The following MEIKIN variants were observed in gnomAD, a reference collection of about 807,000 sequenced individuals.
The protein encoded by MEIKIN is meiotic kinetochore factor, also known as meiosis-specific kinetochore protein.
At chr5:131,849,871 C>T (rs1356334737) in intron 11 of MEIKIN, among the ~76,000 whole-genome samples, 1 of 151,656 alleles carries the variant, frequency 6.6e-6, no homozygotes, top group Admixed American at 6.6e-5. Flanking sequence ...AATTGTAAAG[C>T]AAGAAGTAAA....
At chr5:131,852,107 T>C (rs1025958394) in intron 10 of MEIKIN, among the ~76,000 whole-genome samples, 1 of 152,214 alleles carries the variant, frequency 6.6e-6, no homozygotes, top group African/African-American at 2.4e-5. Context: ...TATAATTCAG[T>C]TGATTTGGTT....
At chr5:131,936,578 TA>T in intron 4 of MEIKIN, among the ~76,000 whole-genome samples, 1 of 152,306 alleles carries the variant, frequency 6.6e-6, no homozygotes, top group East Asian at 1.9e-4. Flanking sequence ...TAATACTAAG[TA>T]CTATTTTGTT....
intron 9 of MEIKIN, among the ~76,000 whole-genome samples, chr5:131,874,343 T>C (rs1750568214): frequency 6.6e-6 from 1 of 152,166 alleles, no homozygotes; most frequent in Admixed American, 6.5e-5. Context: ...AAATACAAAC[T>C]ACCATCAGAG....
At chr5:131,878,212 T>C (rs564509843) in intron 9 of MEIKIN, among the ~76,000 whole-genome samples, 3 of 152,360 alleles carry the variant, frequency 2.0e-5, no homozygotes, top group African/African-American at 7.2e-5. Flanking sequence ...GAATAATCTA[T>C]TTGATAAACT....
In MEIKIN at chr5:131,909,035, A is replaced by C. The variant is rs73259960; in HGVS notation, c.703+2780T>G. 1.9e-3 allele frequency among the ~76,000 whole-genome samples: 288 copies of C among 152,304 alleles called. 1 individual carries two copies. The highest frequency in any genetic ancestry group is 5.8e-3 in the African/African-American group (243 of 41,582). ...CTGTAGGTTTAATGCAATCCCTATC[A>C]AAATATCAATGAAATTCTTCATACA... On this transcript the variant is annotated intron_variant, in intron 8 of 12. Transcript: ENST00000442687.
intron 9 of MEIKIN, among the ~76,000 whole-genome samples, chr5:131,871,833 G>A (rs545631911): frequency 9.2e-5 from 14 of 152,212 alleles, no homozygotes; most frequent in African/African-American, 3.4e-4. Flanking sequence ...CAGCATTTGC[G>A]GTTCACCAAT....
intron 9 of MEIKIN, among the ~76,000 whole-genome samples, chr5:131,873,463 T>C (rs1340306418): frequency 1.3e-5 from 2 of 152,188 alleles, no homozygotes; most frequent in Non-Finnish European, 2.9e-5. Context: ...CCTAAATATA[T>C]ATGCACCCAA....
Position 131,897,722 on chromosome 5 carries a change from T to C in MEIKIN, c.703+14093A>G, listed in dbSNP as rs147599690. Among the ~76,000 whole-genome samples the C allele has an allele frequency of 3.7e-3, 570 of 152,342 alleles. 4 individuals carry two copies. The highest frequency in any genetic ancestry group is 0.013 in the African/African-American group (538 of 41,578). ...CATGCATCATGAAGTTTTCATGCCA[T>C]GGTTTTCAGCTCCATCAGGTCATTT... is the stretch of plus-strand genomic sequence containing the variant. On this transcript the variant is annotated intron_variant, in intron 8 of 12. Transcript: ENST00000442687.
chr5:131,856,401 C>T (rs1375705508), intron 9 of MEIKIN, among the ~76,000 whole-genome samples: 1 of 152,092 alleles, frequency 6.6e-6, no homozygotes, highest in Non-Finnish European at 1.5e-5. Context: ...GCTGACAGCC[C>T]CCAAGCACAA....
chr5:131,813,479 T>C (rs1773040390), intron 12 of MEIKIN, among the ~76,000 whole-genome samples: 1 of 149,628 alleles, frequency 6.7e-6, no homozygotes, highest in Non-Finnish European at 1.5e-5. Flanking sequence ...CAGGCTGGAG[T>C]GCAGTGGCAT....
At chr5:131,852,875 A>G (rs974578889) in intron 10 of MEIKIN, among the ~76,000 whole-genome samples, 1 of 7,614 alleles carries the variant, frequency 1.3e-4, no homozygotes, top group Non-Finnish European at 4.0e-4. Flanking sequence ...TTTTGCCACG[A>G]AAAAAATCAT....
At chr5:131,938,780 TG>T (rs1751825244) in intron 4 of MEIKIN, among the ~76,000 whole-genome samples, 1 of 152,240 alleles carries the variant, frequency 6.6e-6, no homozygotes, top group African/African-American at 2.4e-5. Context: ...GTATTGTCAT[TG>T]TCCTTCAAGT....
intron 4 of MEIKIN, among the ~76,000 whole-genome samples, chr5:131,939,576 T>C (rs1751835789): frequency 6.6e-6 from 1 of 152,142 alleles, no homozygotes; most frequent in Non-Finnish European, 1.5e-5. Context: ...ACATTAAATA[T>C]AAAATCCTTA....
At chr5:131,857,582 T>A (rs1018948770) in intron 9 of MEIKIN, among the ~76,000 whole-genome samples, 1 of 152,138 alleles carries the variant, frequency 6.6e-6, no homozygotes, top group African/African-American at 2.4e-5. Flanking sequence ...ACCAGGGTGC[T>A]TCCCAGGGGC....
chr5:131,854,536 AG>A (rs1485666453), intron 10 of MEIKIN, among the ~76,000 whole-genome samples: 3 of 152,204 alleles, frequency 2.0e-5, no homozygotes, highest in African/African-American at 7.2e-5. Context: ...AGGAAAAAAC[AG>A]AAGAATCCTG....
intron 11 of MEIKIN, among the ~76,000 whole-genome samples, chr5:131,826,629 G>A (rs1250098593): frequency 1.3e-5 from 2 of 152,098 alleles, no homozygotes; most frequent in Admixed American, 1.3e-4. Context: ...GTTGGAAGAG[G>A]GACCTAGTGA....
At chr5:131,851,750 C>T (rs185446818) in intron 10 of MEIKIN, among the ~76,000 whole-genome samples, 1 of 152,304 alleles carries the variant, frequency 6.6e-6, no homozygotes, top group Non-Finnish European at 1.5e-5. Flanking sequence ...GAAATCACCA[C>T]ACATTTCTGT....
intron 9 of MEIKIN, among the ~76,000 whole-genome samples, chr5:131,859,694 G>A (rs1750250270): frequency 6.6e-6 from 1 of 152,128 alleles, no homozygotes; most frequent in African/African-American, 2.4e-5. Context: ...CCAGTCTTAG[G>A]TATTTTTTTA....
At chr5:131,913,885 G>T (rs1219056234) in intron 7 of MEIKIN, among the ~76,000 whole-genome samples, 1 of 152,210 alleles carries the variant, frequency 6.6e-6, no homozygotes, top group African/African-American at 2.4e-5. Flanking sequence ...GCTATGGTTT[G>T]AATGTTTGTC....
Sources: allele counts gnomAD v4.1 joint callset (sites outside exome capture counted in the v4.1 genomes callset), GRCh38; gene constraint gnomAD v4.1.1; transcripts MANE v1.5; gene names NCBI Gene and HGNC (gene_info 2026-07-23, HGNC 2026-07-21).